The following MAP3K5 variants were observed in gnomAD, a reference collection of about 807,000 sequenced individuals.
MAP3K5 encodes the protein mitogen-activated protein kinase kinase kinase 5.
A neutral mutation model predicts 158.7 loss-of-function variants in MAP3K5; 56 were observed. That is an observed-to-expected ratio of 0.35 (90% confidence interval 0.28 to 0.44). The LOEUF (loss-of-function observed/expected upper bound fraction) is 0.44, where lower values mean the gene tolerates loss of function less well. Among genes scored for constraint, MAP3K5 ranks in the 20% least tolerant of loss-of-function variants. The pLI is 1.00. For synonymous variants in MAP3K5, 579 were observed against 601.7 expected (o/e 0.96, Z 0.55); for missense variants, 1,294 against 1,674.8 (o/e 0.77, Z 3.97).
intron 23 of MAP3K5, among the ~76,000 whole-genome samples, chr6:136,585,459 C>CTTTTCTTTTCTTTTCT (rs1309464961): frequency 7.6e-5 from 10 of 130,774 alleles, no homozygotes; most frequent in Admixed American, 2.4e-4. Context: ...ATATTGCTTC[C>CTTTTCTTTTCTTTTCT]TTTCTTTTCT....
chr6:136,686,343 T>C lies in MAP3K5; in HGVS notation c.1253+7797A>G, dbSNP rs1360458305. The stretch of plus-strand genomic sequence containing the variant: ...ACTGAATGGGCAAAAGCTGGAAGCA[T>C]TCCCTTTGAAAAGCAGTAGAAGACA... On this transcript the variant is annotated intron_variant, in intron 7 of 29. Transcript: ENST00000359015. Among the ~76,000 whole-genome samples, 9 of 152,260 alleles carry C rather than the reference T, an allele frequency of 5.9e-5. 1 individual carries two copies. In the East Asian group the frequency reaches 1.5e-3, roughly 26 times the overall value.
chr6:136,755,859 A>G (rs1380272531), intron 1 of MAP3K5, among the ~76,000 whole-genome samples: 6 of 152,172 alleles, frequency 3.9e-5, no homozygotes, highest in Non-Finnish European at 7.4e-5. Flanking sequence ...AAGGAGTCAA[A>G]GATGACACTG....
At chr6:136,731,281 AT>A (rs1172024288) in intron 1 of MAP3K5, among the ~76,000 whole-genome samples, 1 of 152,206 alleles carries the variant, frequency 6.6e-6, no homozygotes, top group Non-Finnish European at 1.5e-5. Context: ...AGAGAATTGC[AT>A]TAGTTTCCTG....
chr6:136,753,474 A>C (rs943971946), intron 1 of MAP3K5, among the ~76,000 whole-genome samples: 1 of 152,202 alleles, frequency 6.6e-6, no homozygotes, highest in Non-Finnish European at 1.5e-5. Flanking sequence ...CTGTGGCAGC[A>C]AGGGAACATC....
chr6:136,687,700 G>A (rs115169753), intron 7 of MAP3K5, among the ~76,000 whole-genome samples: 2,182 of 152,146 alleles, frequency 0.014, 45 homozygotes, highest in African/African-American at 0.05. Context: ...ATTACAAAAC[G>A]CCAATCAAAA....
chr6:136,591,602 A>G (rs1775389221), intron 23 of MAP3K5, among the ~76,000 whole-genome samples: 1 of 152,172 alleles, frequency 6.6e-6, no homozygotes, highest in African/African-American at 2.4e-5. Flanking sequence ...CAATTAGTCT[A>G]CGGCAAAACT....
chr6:136,566,186 A>G (rs1774101978), intron 26 of MAP3K5, among the ~76,000 whole-genome samples: 1 of 152,188 alleles, frequency 6.6e-6, no homozygotes, highest in Non-Finnish European at 1.5e-5. Context: ...CAAGGAGAGA[A>G]GGAAAAGGAC....
chr6:136,616,950 TCAAGTG>T (rs1776593497), intron 15 of MAP3K5, among the ~76,000 whole-genome samples: 1 of 151,724 alleles, frequency 6.6e-6, no homozygotes, highest in Non-Finnish European at 1.5e-5. Flanking sequence ...ACTCCTGAGC[TCAAGTG>T]ATCCGCCAGC....
chr6:136,563,442 G>C (rs997874653), intron 26 of MAP3K5, among the ~76,000 whole-genome samples: 2 of 152,118 alleles, frequency 1.3e-5, no homozygotes, highest in Non-Finnish European at 2.9e-5. Context: ...TAGAATATCT[G>C]GCATATAACA....
intron 2 of MAP3K5, 59 bp from the exon 3 acceptor site, chr6:136,705,192 C>T (rs548036691): frequency 2.9e-5 from 23 of 794,826 alleles, no homozygotes; most frequent in Non-Finnish European, 4.4e-5. Context: ...AATTCAACAA[C>T]ATTTATTGAA....
At chr6:136,787,930 C>T (rs1162226878) in intron 1 of MAP3K5, among the ~76,000 whole-genome samples, 1 of 152,146 alleles carries the variant, frequency 6.6e-6, no homozygotes, top group African/African-American at 2.4e-5. Context: ...GTATGGCTTG[C>T]AAGCTAAGAA....
chr6:136,662,652 A>C (rs781573156), intron 8 of MAP3K5, among the ~76,000 whole-genome samples: 1 of 151,620 alleles, frequency 6.6e-6, no homozygotes, highest in Non-Finnish European at 1.5e-5. Flanking sequence ...TGTATTTAGG[A>C]TTTTTTCCAT....
At chr6:136,601,097 A>G (rs1012773829) in intron 20 of MAP3K5, 55 bp from the exon 21 acceptor site, 44 of 1,588,946 alleles carry the variant, frequency 2.8e-5, no homozygotes, top group Middle Eastern at 3.3e-4. Context: ...TTTGTTGTTA[A>G]ACTGAGAAAT....
chr6:136,628,842 G>C (rs1252941735), intron 14 of MAP3K5, among the ~76,000 whole-genome samples: 1 of 152,096 alleles, frequency 6.6e-6, no homozygotes, highest in Non-Finnish European at 1.5e-5. Flanking sequence ...ACGAGATAAA[G>C]ATAGAAATTG....
intron 1 of MAP3K5, among the ~76,000 whole-genome samples, chr6:136,766,421 A>G (rs761978696): frequency 3.2e-4 from 48 of 152,226 alleles, no homozygotes; most frequent in Non-Finnish European, 6.0e-4. Flanking sequence ...CTACAAATTC[A>G]TATCTGCTTT....
intron 11 of MAP3K5, among the ~76,000 whole-genome samples, chr6:136,649,075 T>C (rs1198389145): frequency 6.6e-6 from 1 of 152,216 alleles, no homozygotes. Context: ...GTTCCAGCAA[T>C]TCTCCTGCCT....
chr6:136,777,800 T>C (rs887459706), intron 1 of MAP3K5, among the ~76,000 whole-genome samples: 19 of 91,942 alleles, frequency 2.1e-4, no homozygotes, highest in African/African-American at 9.5e-4. Context: ...TTTCTATTCT[T>C]ATTCTGGCCC....
intron 1 of MAP3K5, among the ~76,000 whole-genome samples, chr6:136,752,120 C>G (rs1348679606): frequency 6.6e-6 from 1 of 152,166 alleles, no homozygotes; most frequent in Non-Finnish European, 1.5e-5. Flanking sequence ...CCCTCTCTCC[C>G]TCATTCATTC....
chr6:136,659,917 C>G (rs116877519), intron 8 of MAP3K5, among the ~76,000 whole-genome samples: 12 of 152,172 alleles, frequency 7.9e-5, no homozygotes. Context: ...AATAGTAAGT[C>G]AGACTAACCA....
Sources: allele counts gnomAD v4.1 joint callset (sites outside exome capture counted in the v4.1 genomes callset), GRCh38; gene constraint gnomAD v4.1.1; transcripts MANE v1.5; gene names NCBI Gene and HGNC (gene_info 2026-07-23, HGNC 2026-07-21).